Variants in CDH18 observed in about 807,000 individuals in gnomAD.
CDH18 encodes cadherin-18.
CDH18 carries 31 observed loss-of-function variants against 67.9 expected under a neutral mutation model. That is an observed-to-expected ratio of 0.46 (90% CI 0.34 to 0.62). The LOEUF (loss-of-function observed/expected upper bound fraction) is 0.62, where lower values mean the gene tolerates loss of function less well. CDH18 is among the 20% of genes least tolerant of loss of function. The pLI is 0.01. For missense variants in CDH18, 890 were observed against 975.5 expected (o/e 0.91, Z 1.17); for synonymous variants, 362 against 347.2 (o/e 1.04, Z -0.48).
At chr5:20,333,550 C>CACACACACACAT (rs1267435021) in intron 1 of CDH18, among the ~76,000 whole-genome samples, 1 of 147,054 alleles carries the variant, frequency 6.8e-6, no homozygotes, top group African/African-American at 2.5e-5. Flanking sequence ...CACACACACA[C>CACACACACACAT]ATATATGTAT....
intron 1 of CDH18, among the ~76,000 whole-genome samples, chr5:20,553,276 T>C (rs963215803): frequency 1.3e-5 from 2 of 152,152 alleles, no homozygotes; most frequent in Non-Finnish European, 2.9e-5. Context: ...GTCATTTTAA[T>C]ATTTATTATT....
At chr5:20,334,182 G>C (rs1313365556) in intron 1 of CDH18, among the ~76,000 whole-genome samples, 1 of 140,578 alleles carries the variant, frequency 7.1e-6, no homozygotes, top group East Asian at 2.3e-4. Flanking sequence ...GCCCAGGCTG[G>C]AGTGCAGTGG....
At chr5:20,172,214 A>ATACGTATATATACATATATATATACATG in intron 2 of CDH18, among the ~76,000 whole-genome samples, 1 of 32,860 alleles carries the variant, frequency 3.0e-5, no homozygotes, top group African/African-American at 1.2e-4. Flanking sequence ...ATATATATAT[A>ATACGTATATATACATATATATATACATG]TATATATATG....
intron 2 of CDH18, among the ~76,000 whole-genome samples, chr5:20,078,680 G>A (rs542133543): frequency 6.6e-6 from 1 of 151,860 alleles, no homozygotes; most frequent in Admixed American, 6.6e-5. Context: ...TTGGCTCACT[G>A]CAATCCCCGC....
chr5:19,520,103 C>A lies in CDH18; in HGVS notation c.1512+554G>T, dbSNP rs575555639. On this transcript the variant is annotated intron_variant, in intron 10 of 12. Coordinates refer to ENST00000382275, the MANE Select transcript of CDH18 (RefSeq NM_004934.5). ...TGCTCTATTTGCTATAGGCAACCAG[C>A]CTTCCAAATTGCCATGCTTCTTTGA... Among the ~76,000 whole-genome samples, 29 of 152,276 alleles carry A rather than the reference C, an allele frequency of 1.9e-4. No individual in the cohort carries two copies. The South Asian group carries it at 4.6e-3, about 24-fold the overall frequency.
intron 3 of CDH18, among the ~76,000 whole-genome samples, chr5:19,800,097 T>C (rs1777294785): frequency 6.6e-6 from 1 of 152,064 alleles, no homozygotes; most frequent in African/African-American, 2.4e-5. Context: ...AAGTAATAAA[T>C]GATTGATAAA....
intron 1 of CDH18, among the ~76,000 whole-genome samples, chr5:20,291,586 G>C (rs972881679): frequency 6.6e-6 from 1 of 152,132 alleles, no homozygotes; most frequent in Non-Finnish European, 1.5e-5. Context: ...TCACTTGGCT[G>C]TATAGAAAGG....
intron 4 of CDH18, among the ~76,000 whole-genome samples, chr5:19,722,125 C>G (rs1028469070): frequency 6.6e-6 from 1 of 152,128 alleles, no homozygotes; most frequent in African/African-American, 2.4e-5. Flanking sequence ...GCGATCTTGG[C>G]TCACTGCAAC....
chr5:20,048,921 T>C (rs904030159), intron 2 of CDH18, among the ~76,000 whole-genome samples: 2 of 151,814 alleles, frequency 1.3e-5, no homozygotes, highest in Non-Finnish European at 3.0e-5. Context: ...AATTGATTTC[T>C]ATATAAAATA....
intron 1 of CDH18, among the ~76,000 whole-genome samples, chr5:20,397,764 T>C (rs1745404414): frequency 6.6e-6 from 1 of 152,186 alleles, no homozygotes; most frequent in Non-Finnish European, 1.5e-5. Context: ...CATTTCAACA[T>C]GTAACCAACA....
intron 1 of CDH18, among the ~76,000 whole-genome samples, chr5:20,271,849 T>C (rs1580634230): frequency 2.0e-5 from 3 of 152,016 alleles, no homozygotes; most frequent in Non-Finnish European, 1.5e-5. Context: ...TATGGGAGAA[T>C]GTTTCTTATT....
chr5:20,430,657 T>C (rs1023518064), intron 1 of CDH18, among the ~76,000 whole-genome samples: 14 of 152,202 alleles, frequency 9.2e-5, no homozygotes, highest in Non-Finnish European at 2.9e-5. Flanking sequence ...TTTGTTTTTA[T>C]CACTTAGGGA....
intron 3 of CDH18, among the ~76,000 whole-genome samples, chr5:19,781,330 A>C (rs1342605075): frequency 6.6e-6 from 1 of 152,054 alleles, no homozygotes; most frequent in Non-Finnish European, 1.5e-5. Flanking sequence ...TAGAAAAAAA[A>C]CACTCATTTA....
intron 2 of CDH18, among the ~76,000 whole-genome samples, chr5:20,045,122 C>T (rs1033236475): frequency 9.2e-5 from 14 of 152,108 alleles, no homozygotes; most frequent in Non-Finnish European, 1.8e-4. Flanking sequence ...TTTTTGTTCT[C>T]TGTTCGGTCT....
intron 4 of CDH18, among the ~76,000 whole-genome samples, chr5:19,723,918 T>C (rs188456897): frequency 1.2e-4 from 18 of 152,170 alleles, no homozygotes; most frequent in Middle Eastern, 6.8e-3. Context: ...TTTCACCATG[T>C]TGGCCAGGCT....
chr5:19,755,427 G>GTACATATATATA (rs1771416023), intron 3 of CDH18, among the ~76,000 whole-genome samples: 1 of 44,660 alleles, frequency 2.2e-5, no homozygotes, highest in Non-Finnish European at 4.7e-5. Flanking sequence ...AACTAACAGG[G>GTACATATATATA]TATGTATATA....
chr5:20,128,507 C>G (rs527348073), intron 2 of CDH18, among the ~76,000 whole-genome samples: 23 of 152,146 alleles, frequency 1.5e-4, no homozygotes, highest in Admixed American at 3.3e-4. Context: ...GTTTCCTTGG[C>G]ATAAATCAAT....
chr5:20,124,536 T>G (rs1285075612), intron 2 of CDH18, among the ~76,000 whole-genome samples: 1 of 152,206 alleles, frequency 6.6e-6, no homozygotes, highest in Non-Finnish European at 1.5e-5. Context: ...CTGACCTCTT[T>G]TAATGACCAG....
intron 2 of CDH18, among the ~76,000 whole-genome samples, chr5:19,970,831 G>GA (rs528696065): frequency 6.6e-6 from 1 of 150,858 alleles, no homozygotes; most frequent in African/African-American, 2.4e-5. Context: ...AAAGAAGATA[G>GA]AAAAAAATAG....
Sources: allele counts gnomAD v4.1 joint callset (sites outside exome capture counted in the v4.1 genomes callset), GRCh38; gene constraint gnomAD v4.1.1; transcripts MANE v1.5; gene names NCBI Gene and HGNC (gene_info 2026-07-23, HGNC 2026-07-21).